SNX29: variants seen among roughly 807,000 people sequenced by gnomAD.
The protein encoded by SNX29 is sorting nexin 29.
A neutral mutation model predicts 102.1 loss-of-function variants in SNX29; 78 were observed. That is an observed-to-expected ratio of 0.76 (90% CI 0.64 to 0.92). SNX29 has a LOEUF of 0.92. SNX29 is among the 40% of genes least tolerant of loss of function. The pLI is 0.00. For synonymous variants in SNX29, 580 were observed against 414.5 expected (o/e 1.40, Z -4.85); for missense variants, 1,280 against 1,061.7 (o/e 1.21, Z -2.86).
chr16:12,549,375 G>A (rs963302025), intron 20 of SNX29, among the ~76,000 whole-genome samples: 1 of 152,166 alleles, frequency 6.6e-6, no homozygotes, highest in Non-Finnish European at 1.5e-5. Flanking sequence ...TGCACCTGTA[G>A]TCCCAGCTAC....
At chr16:12,378,186 G>A (rs1009330372) in intron 16 of SNX29, among the ~76,000 whole-genome samples, 9 of 152,182 alleles carry the variant, frequency 5.9e-5, no homozygotes, top group African/African-American at 1.4e-4. Context: ...TTTGGCTCAC[G>A]ATTCTGATGA....
In SNX29 at chr16:12,564,854, C is replaced by G. The variant is rs111874882; in HGVS notation, c.2319-3652C>G. On this transcript the variant is annotated intron_variant, in intron 20 of 20. Coordinates refer to ENST00000566228, the MANE Select transcript of SNX29 (RefSeq NM_032167.5). ...CGCTGAAGTCGGCAGCTAACAAGGGCTATGAGAGATGAGAATTTCACTCTG... is the reference window on the plus strand; with the variant it reads ...CGCTGAAGTCGGCAGCTAACAAGGGGTATGAGAGATGAGAATTTCACTCTG... Among the ~76,000 whole-genome samples the G allele has an allele frequency of 1.8e-3, 271 of 149,688 alleles. 4 individuals are homozygous for G. Among genetic ancestry groups the G allele is most frequent in the African/African-American group, 6.3e-3 (258 of 40,704 alleles).
intron 11 of SNX29, among the ~76,000 whole-genome samples, chr16:12,107,338 G>T (rs375054083): frequency 7.3e-6 from 1 of 137,270 alleles, no homozygotes; most frequent in South Asian, 2.3e-4. Context: ...AGCACTGTGG[G>T]TTTTTTTTTT....
rs1598135048 is a variant in SNX29 at position 12,570,051 on chromosome 16, A to C, written c.*1422A>C. The stretch of plus-strand genomic sequence containing the variant: ...CATGGAGCATCTCCTAGGCTCGAGG[A>C]CATCTCTGGAGAATCATCTGGAAGG... On this transcript the variant is annotated 3_prime_UTR_variant, in exon 21 of 21. Transcript: ENST00000566228. 1.3e-5 allele frequency: 7 copies of C among 519,740 alleles called. No homozygotes were observed. The South Asian group carries it at 5.3e-4, about 39-fold the overall frequency. The allele number at this position is 519,740 out of a possible 1,614,324, so 32.2% of individuals were successfully genotyped here. A position where few individuals can be genotyped will look rare whatever the true frequency, so the allele number is the denominator to read the frequency against.
rs117271863 is a variant in SNX29, at chr16:12,344,304, C to T, written c.1783-11859C>T. ...TAACCCAAAGCAGAGAGAGATTGTCCAGCATGGTGGTGTGAGAAAGGACTC... is the reference window on the plus strand; with the variant it reads ...TAACCCAAAGCAGAGAGAGATTGTCTAGCATGGTGGTGTGAGAAAGGACTC... On this transcript the variant is annotated intron_variant, in intron 15 of 20. Transcript: ENST00000566228. 8.2e-3 allele frequency among the ~76,000 whole-genome samples: 1,256 copies of T among 152,276 alleles called. 20 individuals carry two copies. The highest frequency in any genetic ancestry group is 9.4e-3 in the Non-Finnish European group (640 of 68,028).
At position 12,296,809 on chromosome 16, in the gene SNX29, G is replaced by A. The variant is rs967059258; in HGVS notation, c.1782+18773G>A. Among the ~76,000 whole-genome samples the A allele has an allele frequency of 3.3e-5, 5 of 152,180 alleles. No individual in the cohort carries two copies. The East Asian group carries it at 5.8e-4, about 18-fold the overall frequency. ...TTAATGAAGGGTAAACGTGGTTATC[G>A]CCACTTAACAAAGGACTAAAGCGAG... is the stretch of plus-strand genomic sequence containing the variant. On this transcript the variant is annotated intron_variant, in intron 15 of 20. Transcript: ENST00000566228.
intron 15 of SNX29, among the ~76,000 whole-genome samples, chr16:12,324,675 C>A (rs1187806843): frequency 1.3e-5 from 2 of 152,054 alleles, no homozygotes; most frequent in African/African-American, 4.8e-5. Flanking sequence ...CTGCTACCTG[C>A]ATTGTTGACT....
intron 18 of SNX29, among the ~76,000 whole-genome samples, chr16:12,449,416 G>T (rs370723239): frequency 6.6e-6 from 1 of 152,034 alleles, no homozygotes; most frequent in Non-Finnish European, 1.5e-5. Context: ...GGAGTGAGCT[G>T]GTTTAGGTGG....
intron 11 of SNX29, among the ~76,000 whole-genome samples, chr16:12,094,323 A>G (rs560510107): frequency 6.6e-6 from 1 of 152,232 alleles, no homozygotes; most frequent in African/African-American, 2.4e-5. Flanking sequence ...TAAAGACTGA[A>G]TAACTGGTAG....
At chr16:12,539,939 G>A (rs978375562) in intron 20 of SNX29, among the ~76,000 whole-genome samples, 1 of 152,204 alleles carries the variant, frequency 6.6e-6, no homozygotes, top group Non-Finnish European at 1.5e-5. Context: ...TATGTTAGAT[G>A]CAAGACCTTT....
chr16:12,408,046 T>G (rs2084237920), intron 18 of SNX29, among the ~76,000 whole-genome samples: 1 of 151,972 alleles, frequency 6.6e-6, no homozygotes. Context: ...CAGTCCCAGC[T>G]ACTGGGGAGG....
At chr16:12,433,481 A>G (rs948129378) in intron 18 of SNX29, among the ~76,000 whole-genome samples, 7 of 151,992 alleles carry the variant, frequency 4.6e-5, no homozygotes, top group South Asian at 2.1e-4. Context: ...AAATAGAACA[A>G]TTAGCCTGGC....
chr16:12,130,474 C>CAAAA (rs71139578), intron 13 of SNX29, among the ~76,000 whole-genome samples: 36 of 55,884 alleles, frequency 6.4e-4, no homozygotes, highest in East Asian at 1.6e-3. Flanking sequence ...GACTCCGTCT[C>CAAAA]AAAAAAAAAA....
intron 13 of SNX29, among the ~76,000 whole-genome samples, chr16:12,172,858 A>C (rs2076179332): frequency 6.6e-6 from 1 of 152,222 alleles, no homozygotes; most frequent in Non-Finnish European, 1.5e-5. Context: ...TGAAGATGGG[A>C]AATACTTTCA....
intron 13 of SNX29, among the ~76,000 whole-genome samples, chr16:12,143,195 C>T (rs1396658197): frequency 1.3e-5 from 2 of 151,360 alleles, no homozygotes; most frequent in Non-Finnish European, 2.9e-5. Context: ...GTGGGTTTCT[C>T]CATGTTGGTC....
rs374473809 is a variant in SNX29, at chr16:12,552,621, AACCAAAC to A, written c.2319-15876_2319-15870del. On this transcript the variant is annotated intron_variant, in intron 20 of 20. Coordinates refer to ENST00000566228, the MANE Select transcript of SNX29 (RefSeq NM_032167.5). ...TCATGGGGATGACTAAAAAAGCAAA[AACCAAAC>A]ACCAAACAAATGGAAGGATTGCAAT... Among the ~76,000 whole-genome samples, 269 of 152,286 alleles carry A rather than the reference AACCAAAC, an allele frequency of 1.8e-3. 1 individual carries two copies. The highest frequency in any genetic ancestry group is 6.3e-3 in the African/African-American group (262 of 41,572).
intron 4 of SNX29, among the ~76,000 whole-genome samples, chr16:12,036,907 G>T (rs1423200117): frequency 1.3e-5 from 2 of 152,136 alleles, no homozygotes; most frequent in Non-Finnish European, 2.9e-5. Context: ...TTTATTTATT[G>T]ACTCAAGTAA....
intron 16 of SNX29, among the ~76,000 whole-genome samples, chr16:12,382,805 A>G (rs1010465394): frequency 2.0e-5 from 3 of 151,824 alleles, no homozygotes; most frequent in African/African-American, 7.3e-5. Context: ...GCCGTGTCAC[A>G]CCAATCTCTG....
intron 11 of SNX29, among the ~76,000 whole-genome samples, chr16:12,123,913 G>A (rs992646128): frequency 2.6e-5 from 4 of 152,180 alleles, no homozygotes; most frequent in Non-Finnish European, 5.9e-5. Flanking sequence ...TTTGGGGAAA[G>A]CTTTACTGGT....
Sources: allele counts gnomAD v4.1 joint callset (sites outside exome capture counted in the v4.1 genomes callset), GRCh38; gene constraint gnomAD v4.1.1; transcripts MANE v1.5; gene names NCBI Gene and HGNC (gene_info 2026-07-23, HGNC 2026-07-21).